The following RIMS2 variants were observed in gnomAD, a reference collection of about 807,000 sequenced individuals.
RIMS2 encodes the protein regulating synaptic membrane exocytosis protein 2.
Under a neutral mutation model 174.4 loss-of-function variants are expected in RIMS2, and 59 were observed. The observed-to-expected ratio is 0.34, with a 90% CI of 0.27 to 0.42. The LOEUF (loss-of-function observed/expected upper bound fraction) is 0.42, where lower values mean the gene tolerates loss of function less well. Ranked by LOEUF, RIMS2 falls within the 10% of genes least tolerant of loss-of-function variation. The pLI is 1.00. For missense variants in RIMS2, 1,620 were observed against 1,666.3 expected, an observed-to-expected ratio of 0.97 and a Z score of 0.48; for synonymous variants, 606 against 572.5, an observed-to-expected ratio of 1.06 and a Z score of -0.84.
intron 19 of RIMS2, among the ~76,000 whole-genome samples, chr8:104,096,203 G>C (rs1007600327): frequency 6.6e-6 from 1 of 152,058 alleles, no homozygotes; most frequent in Admixed American, 6.6e-5. Flanking sequence ...GCAAAGAAAA[G>C]AATGAGTCTC....
At chr8:103,702,983 T>C (rs1165748240) in intron 2 of RIMS2, among the ~76,000 whole-genome samples, 3 of 134,382 alleles carry the variant, frequency 2.2e-5, no homozygotes, top group Non-Finnish European at 3.3e-5. Context: ...TTTTGTGAGT[T>C]TGTTTTTTTT....
intron 1 of RIMS2, among the ~76,000 whole-genome samples, chr8:103,625,605 G>A (rs1362997847): frequency 6.6e-6 from 1 of 152,034 alleles, no homozygotes; most frequent in African/African-American, 2.4e-5. Flanking sequence ...GTTTAACATA[G>A]TATGAACCAA....
chr8:104,024,401 A>G (rs946809264), intron 19 of RIMS2, among the ~76,000 whole-genome samples: 1 of 152,206 alleles, frequency 6.6e-6, no homozygotes, highest in African/African-American at 2.4e-5. Flanking sequence ...TCTGGAGGAT[A>G]ACTACCTTTC....
chr8:104,201,032 G>A (rs1029679162), intron 19 of RIMS2, among the ~76,000 whole-genome samples: 1 of 152,084 alleles, frequency 6.6e-6, no homozygotes, highest in Non-Finnish European at 1.5e-5. Context: ...TGTTACATGG[G>A]TAAATTGCAT....
At chr8:104,191,759 T>TTTA (rs1339632051) in intron 19 of RIMS2, among the ~76,000 whole-genome samples, 2 of 152,032 alleles carry the variant, frequency 1.3e-5, no homozygotes, top group Non-Finnish European at 2.9e-5. Flanking sequence ...GCAAAATTCT[T>TTTA]TTATTATTAT....
chr8:103,921,286 A>G (rs2077601934), intron 9 of RIMS2, among the ~76,000 whole-genome samples: 1 of 152,134 alleles, frequency 6.6e-6, no homozygotes, highest in African/African-American at 2.4e-5. Context: ...ATGTTTGCAA[A>G]TGTAGTCTGT....
At chr8:103,854,446 G>T (rs933076875) in intron 3 of RIMS2, among the ~76,000 whole-genome samples, 7 of 152,024 alleles carry the variant, frequency 4.6e-5, no homozygotes, top group Non-Finnish European at 8.8e-5. Context: ...ATTTCTCAAG[G>T]AGAATGGTTC....
At chr8:104,056,117 C>T (rs1447800529) in intron 19 of RIMS2, among the ~76,000 whole-genome samples, 6 of 152,082 alleles carry the variant, frequency 3.9e-5, no homozygotes, top group Non-Finnish European at 8.8e-5. Context: ...TCAAAGTCAA[C>T]TAACCGGCCA....
chr8:103,801,116 C>CT (rs1433344190), intron 3 of RIMS2, among the ~76,000 whole-genome samples: 2 of 152,172 alleles, frequency 1.3e-5, no homozygotes, highest in Non-Finnish European at 2.9e-5. Flanking sequence ...TCCCAAGTAG[C>CT]TGGGACTACA....
In RIMS2 at chr8:103,937,469, C is replaced by T. The variant is rs375109940; in HGVS notation, c.2547+747C>T. ...AACAGGCACTGTGCTATAGACTGAG[C>T]GTTCAAAGGTAAATAAGGAGTGTTA... On this transcript the variant is annotated intron_variant, in intron 13 of 23. Coordinates refer to ENST00000504942, the Ensembl canonical transcript of RIMS2. 1.8e-4 allele frequency among the ~76,000 whole-genome samples: 28 copies of T among 152,196 alleles called. No homozygotes were observed. In the East Asian group the frequency reaches 3.9e-3, roughly 21 times the overall value.
intron 19 of RIMS2, among the ~76,000 whole-genome samples, chr8:104,179,383 T>A (rs1200538026): frequency 6.6e-6 from 1 of 152,044 alleles, no homozygotes; most frequent in South Asian, 2.1e-4. Context: ...ATGCTTATTA[T>A]CTTATTAAGG....
At chr8:103,550,258 C>G (rs1020263480) in intron 1 of RIMS2, among the ~76,000 whole-genome samples, 2 of 152,216 alleles carry the variant, frequency 1.3e-5, no homozygotes, top group Non-Finnish European at 2.9e-5. Flanking sequence ...CAAAGTGTCT[C>G]TCAGACCACA....
At chr8:104,059,791 T>A (rs962617970) in intron 19 of RIMS2, among the ~76,000 whole-genome samples, 4 of 152,162 alleles carry the variant, frequency 2.6e-5, no homozygotes, top group Admixed American at 6.5e-5. Flanking sequence ...GGTTGTTGAA[T>A]TTTGTCAAAG....
chr8:103,683,770 G>A (rs2096907457), intron 1 of RIMS2, among the ~76,000 whole-genome samples: 2 of 152,142 alleles, frequency 1.3e-5, no homozygotes, highest in South Asian at 4.1e-4. Context: ...TAAATGGTGG[G>A]AGAAGTTCTA....
chr8:104,207,813 C>CA (rs1282082442), intron 19 of RIMS2, among the ~76,000 whole-genome samples: 2 of 149,096 alleles, frequency 1.3e-5, no homozygotes, highest in African/African-American at 2.5e-5. Flanking sequence ...AACTCCTTCT[C>CA]AAAAAAATAT....
intron 3 of RIMS2, among the ~76,000 whole-genome samples, chr8:103,874,556 T>C (rs895304752): frequency 2.0e-5 from 3 of 152,036 alleles, no homozygotes; most frequent in Non-Finnish European, 4.4e-5. Flanking sequence ...TTTTAGAGAA[T>C]AGATTTAAAT....
At chr8:104,097,206 A>G (rs906152080) in intron 19 of RIMS2, among the ~76,000 whole-genome samples, 5 of 152,190 alleles carry the variant, frequency 3.3e-5, no homozygotes, top group African/African-American at 1.2e-4. Context: ...GAATTTTTAC[A>G]TATATATAAT....
intron 2 of RIMS2, among the ~76,000 whole-genome samples, chr8:103,738,885 G>A (rs1379060482): frequency 1.3e-5 from 2 of 151,844 alleles, no homozygotes; most frequent in African/African-American, 4.8e-5. Flanking sequence ...AACAACAGGT[G>A]CTGGAGAGGA....
At chr8:103,511,565 A>G (rs942310760) in intron 1 of RIMS2, among the ~76,000 whole-genome samples, 1 of 152,208 alleles carries the variant, frequency 6.6e-6, no homozygotes, top group African/African-American at 2.4e-5. Flanking sequence ...ACAGTAGTGT[A>G]TGTTATGATT....
Sources: allele counts gnomAD v4.1 joint callset (sites outside exome capture counted in the v4.1 genomes callset), GRCh38; gene constraint gnomAD v4.1.1; transcripts MANE v1.5; gene names NCBI Gene and HGNC (gene_info 2026-07-23, HGNC 2026-07-21).